Variants in TMEM67 observed in about 807,000 individuals in gnomAD.
TMEM67 encodes meckelin.
In TMEM67, 124 loss-of-function variants were observed where a neutral mutation model predicts 136.6. The ratio of observed to expected loss-of-function variants is 0.91; its 90% CI spans 0.78 to 1.05. The LOEUF (loss-of-function observed/expected upper bound fraction) is 1.05, where lower values mean the gene tolerates loss of function less well. TMEM67 is among the 50% of genes least tolerant of loss of function. The pLI is 0.00. For missense variants in TMEM67, 1,107 were observed against 1,178.4 expected, an observed-to-expected ratio of 0.94 and a Z score of 0.89; for synonymous variants, 364 against 390.5, an observed-to-expected ratio of 0.93 and a Z score of 0.80.
At chr8:93,781,971 T>C (rs562807551) in intron 10 of TMEM67, among the ~76,000 whole-genome samples, 1 of 151,996 alleles carries the variant, frequency 6.6e-6, no homozygotes, top group Non-Finnish European at 1.5e-5. Flanking sequence ...CAGGCTGGAG[T>C]GCAGTGGCGC....
chr8:93,802,631 C>G (rs900157803), intron 21 of TMEM67, among the ~76,000 whole-genome samples: 1 of 152,186 alleles, frequency 6.6e-6, no homozygotes, highest in Admixed American at 6.5e-5. Flanking sequence ...TGTCTAAACT[C>G]TCCTTGATTC....
the TMEM67 span, among the ~76,000 whole-genome samples, chr8:93,825,211 C>T: frequency 2.0e-5 from 3 of 152,322 alleles, no homozygotes; most frequent in Non-Finnish European, 4.4e-5. Flanking sequence ...GACACATTTA[C>T]TTATTTGACT....
rs1353645838 is a variant in TMEM67 at position 93,815,398 on chromosome 8, C to T, written c.2858C>T (p.Ala953Val). The T allele has an allele frequency of 4.3e-6, 7 of 1,612,964 alleles. No homozygotes were observed. The highest frequency in any genetic ancestry group is 1.3e-5 in the African/African-American group (1 of 74,894). The change falls in exon 27 of 28, where the codon GCT (alanine) becomes GTT (valine). Residue 953 changes from alanine (A) to valine (V), a missense_variant. Ala to Val is a moderately conservative substitution (Grantham distance 64). This residue lies in a region of TMEM67 where 925 missense variants were observed against 1,002.4 expected (regional missense o/e 0.92). Transcript: ENST00000453321. Reference protein sequence around the residue: ...DLLFFCVVDLACQNFILASFL... With the variant: ...DLLFFCVVDLVCQNFILASFL... ...CTGTTCTTCTGTGTTGTGGATTTGG[C>T]TTGCCAAAATTTTATTTTAGCATCC...
chr8:93,777,117 C>T (rs1013246809), intron 7 of TMEM67, among the ~76,000 whole-genome samples: 1 of 151,952 alleles, frequency 6.6e-6, no homozygotes. Context: ...CATTTCTTCT[C>T]GATTTTCTAG....
At chr8:93,764,003 C>A in intron 4 of TMEM67, 62 bp downstream of exon 4, 1 of 1,095,602 alleles carries the variant, frequency 9.1e-7, no homozygotes, top group Non-Finnish European at 1.4e-6. Flanking sequence ...ATAATTTGTA[C>A]TTTTAAGAGT....
At chr8:93,798,900 A>C (rs1814740241) in intron 20 of TMEM67, among the ~76,000 whole-genome samples, 1 of 150,878 alleles carries the variant, frequency 6.6e-6, no homozygotes, top group South Asian at 2.1e-4. Context: ...AAATCAAGCT[A>C]GTTTATCTGT....
intron 11 of TMEM67, among the ~76,000 whole-genome samples, chr8:93,783,016 G>A (rs975012465): frequency 6.7e-6 from 1 of 150,066 alleles, no homozygotes; most frequent in Admixed American, 6.6e-5. Flanking sequence ...ACAGAGTCTC[G>A]CTCTGTTGCC....
In TMEM67 at chr8:93,765,636, A is replaced by T. The variant is rs768183184; in HGVS notation, c.641A>T (p.Tyr214Phe). Reference sequence around the variant, plus strand: ...CTACGTAGAATTTCAGCTGCACGTTATGGAGAAGTTGTGAGTATGTTTCAA... The same window carrying T: ...CTACGTAGAATTTCAGCTGCACGTTTTGGAGAAGTTGTGAGTATGTTTCAA... ...FPLRRISAAR[Y>F]GEVGMSLTSE... The change falls in exon 6 of 28, where the codon TAT becomes TTT. Residue 214 changes from tyrosine (Y) to phenylalanine (F), a missense_variant. This residue lies in a region of TMEM67 where 925 missense variants were observed against 1,002.4 expected (regional missense o/e 0.92). Transcript: ENST00000453321. 6.2e-7 allele frequency: 1 copy of T among 1,610,662 alleles called. No homozygotes were observed. The highest frequency in any genetic ancestry group is 1.7e-5 in the Admixed American group (1 of 60,004).
chr8:93,807,437 A>G (rs1815204727), intron 23 of TMEM67, among the ~76,000 whole-genome samples: 1 of 152,146 alleles, frequency 6.6e-6, no homozygotes, highest in Non-Finnish European at 1.5e-5. Flanking sequence ...TGGTAAAATC[A>G]TATTTTGTAG....
At chr8:93,812,067 T>C (rs1808723818) in intron 26 of TMEM67, among the ~76,000 whole-genome samples, 1 of 150,938 alleles carries the variant, frequency 6.6e-6, no homozygotes, top group African/African-American at 2.4e-5. Context: ...GAGAATCGCT[T>C]GAACCCAGGA....
chr8:93,793,187 T>C lies in TMEM67; in HGVS notation c.1576-11T>C. On this transcript the variant is annotated splice_polypyrimidine_tract_variant and intron_variant, in intron 15 of 27. Coordinates refer to ENST00000453321, the MANE Select transcript of TMEM67 (RefSeq NM_153704.6). The stretch of plus-strand genomic sequence containing the variant: ...ATTACATAAATTCTCAATTGTTCTT[T>C]TGTTTTTTAGATTGCTTTGGGTGTA... 6.2e-7 allele frequency: 1 copy of C among 1,610,968 alleles called. No individual in the cohort carries two copies.
intron 3 of TMEM67, among the ~76,000 whole-genome samples, chr8:93,762,581 CT>C (rs1430051465): frequency 6.6e-6 from 1 of 152,206 alleles, no homozygotes; most frequent in Non-Finnish European, 1.5e-5. Flanking sequence ...CACCCAGCTT[CT>C]TAGTAGTTTC....
chr8:93,782,638 A>G (rs1390844537), intron 11 of TMEM67, among the ~76,000 whole-genome samples, 178 bp downstream of exon 11: 1 of 148,804 alleles, frequency 6.7e-6, no homozygotes, highest in Non-Finnish European at 1.5e-5. Context: ...CAGTGGTGCA[A>G]TCTCAGTTCA....
intron 22 of TMEM67, 46 bp downstream of exon 22, chr8:93,803,730 T>A: frequency 1.7e-6 from 2 of 1,155,552 alleles, no homozygotes; most frequent in Non-Finnish European, 2.6e-6. Flanking sequence ...TTTCCCTTTT[T>A]AAAGGTCATG....
At position 93,779,544 on chromosome 8, in the gene TMEM67, G is replaced by A. The variant is rs148913992; in HGVS notation, c.715-1049G>A. ...GGTGACCTACAGATGGGGTTTTGAT[G>A]TGGATGGGGTTTTGATGTGGATGTC... is the stretch of plus-strand genomic sequence containing the variant. On this transcript the variant is annotated intron_variant, in intron 7 of 27. Transcript: ENST00000453321. Among the ~76,000 whole-genome samples the A allele has an allele frequency of 4.6e-5, 7 of 152,238 alleles. No individual in the cohort carries two copies. In the East Asian group the frequency reaches 1.4e-3, roughly 29 times the overall value.
intron 6 of TMEM67, among the ~76,000 whole-genome samples, chr8:93,767,917 G>A (rs1382638829): frequency 1.4e-5 from 2 of 147,802 alleles, no homozygotes; most frequent in African/African-American, 5.0e-5. Context: ...CCAGGCTGGA[G>A]TGCAATGGCG....
At chr8:93,761,824 A>G (rs1021538044) in intron 3 of TMEM67, among the ~76,000 whole-genome samples, 1 of 152,212 alleles carries the variant, frequency 6.6e-6, no homozygotes, top group African/African-American at 2.4e-5. Context: ...CTTTTTAAAG[A>G]CCATTATATA....
Position 93,808,867 on chromosome 8 carries a change from G to T in TMEM67, c.2467G>T (p.Val823Leu), listed in dbSNP as rs1808574909. 1.2e-6 allele frequency: 2 copies of T among 1,611,824 alleles called. No homozygotes were observed. Among genetic ancestry groups the T allele is most frequent in the Non-Finnish European group, 8.5e-7 (1 of 1,178,348 alleles). Residue 823 changes from valine (V) to leucine (L), a missense_variant, in exon 24 of 28, where the codon GTA (valine) becomes TTA (leucine). This residue lies in a region of TMEM67 where 925 missense variants were observed against 1,002.4 expected (regional missense o/e 0.92). Transcript: ENST00000453321. ...AENLCSQRGLVPNTDGQTFEI... is the reference protein window; with the variant it reads ...AENLCSQRGLLPNTDGQTFEI... ...AAATTTGTGTAGCCAGAGAGGTTTGGTACCCAACACAGATGGTCAGACTTT... is the reference window on the plus strand; with the variant it reads ...AAATTTGTGTAGCCAGAGAGGTTTGTTACCCAACACAGATGGTCAGACTTT...
In TMEM67 at chr8:93,797,435, C is replaced by T. The variant is rs576166051; in HGVS notation, c.2065C>T (p.Leu689Phe). 1 of 1,613,902 alleles carries T rather than the reference C, an allele frequency of 6.2e-7. No homozygotes were observed. The highest frequency in any genetic ancestry group is 1.3e-5 in the African/African-American group (1 of 75,038). The change falls in exon 20 of 28, where the codon CTC (leucine) becomes TTC (phenylalanine). Residue 689 changes from leucine to phenylalanine, a missense_variant. Coordinates refer to ENST00000453321, the MANE Select transcript of TMEM67 (RefSeq NM_153704.6). The part of the protein sequence containing the change: ...EIQTVRKINS[L>F]FQVLTVLFFL... ...TCAGACTGTGAGAAAAATTAATTCA[C>T]TCTTTCAAGTACTTACTGTCCTCTT...
Sources: gnomAD v4.1 joint callset for allele counts (sites outside exome capture counted in the v4.1 genomes callset) on GRCh38, gnomAD v4.1.1 for gene constraint, gnomAD v4.1.1 regional missense constraint, MANE v1.5 for transcripts, NCBI Gene and HGNC (gene_info 2026-07-23, HGNC 2026-07-21) for gene names.